The following RP1L1 variants were observed in gnomAD, a reference collection of about 807,000 sequenced individuals.
The protein encoded by RP1L1 is retinitis pigmentosa 1-like 1 protein.
Under a neutral mutation model 15.7 loss-of-function variants are expected in RP1L1, and 27 were observed. The ratio of observed to expected loss-of-function variants is 1.72; its 90% CI spans 1.27 to 2.38. The LOEUF (loss-of-function observed/expected upper bound fraction) is 2.38, where lower values mean the gene tolerates loss of function less well. Ranked by LOEUF, RP1L1 falls within the 30% of genes most tolerant of loss-of-function variation. The pLI, the probability that RP1L1 is intolerant of heterozygous loss-of-function variation, is 0.00. For synonymous variants in RP1L1, 1,813 were observed against 1,276.7 expected, an observed-to-expected ratio of 1.42 and a Z score of -8.96; for missense variants, 4,798 against 3,075.9, an observed-to-expected ratio of 1.56 and a Z score of -13.24.
intron 1 of RP1L1, among the ~76,000 whole-genome samples, chr8:10,647,097 C>G (rs897580836): frequency 6.6e-6 from 1 of 152,210 alleles, no homozygotes; most frequent in Non-Finnish European, 1.5e-5. Flanking sequence ...AGAGCTGTCC[C>G]GCCTTCAGAA....
chr8:10,616,298 G>T (rs1010851503), intron 3 of RP1L1, 148 bp downstream of exon 3: 2 of 977,346 alleles, frequency 2.0e-6, no homozygotes, highest in Non-Finnish European at 3.2e-6. Context: ...GAAGGAGGAA[G>T]AGGCAAGAGA....
chr8:10,644,313 A>C (rs1798445933), intron 1 of RP1L1, among the ~76,000 whole-genome samples: 1 of 150,882 alleles, frequency 6.6e-6, no homozygotes, highest in Non-Finnish European at 1.5e-5. Flanking sequence ...GGGAGGCTAG[A>C]CAAGGCAGTC....
At chr8:10,637,371 C>A (rs750216187) in intron 1 of RP1L1, among the ~76,000 whole-genome samples, 20 of 152,176 alleles carry the variant, frequency 1.3e-4, no homozygotes, top group Non-Finnish European at 2.5e-4. Flanking sequence ...TAATGAGGAC[C>A]TCCTGTGTGT....
chr8:10,628,574 G>C (rs1798192986), intron 1 of RP1L1, among the ~76,000 whole-genome samples: 1 of 152,222 alleles, frequency 6.6e-6, no homozygotes, highest in African/African-American at 2.4e-5. Flanking sequence ...AAACAACAGA[G>C]AGAGTGACAG....
Position 10,610,573 on chromosome 8 carries a change from G to A in RP1L1, c.3525C>T (p.Leu1175=), listed in dbSNP as rs1486939514. The A allele has an allele frequency of 1.2e-6, 2 of 1,613,672 alleles. No homozygotes were observed. Among genetic ancestry groups the A allele is most frequent in the Middle Eastern group, 1.6e-4 (1 of 6,062 alleles). The part of the protein sequence containing the change: ...EDQLDSGLWE[L]TWSQALPDLG... ...GGTCTGGCAGAGCCTGGCTCCATGT[G>A]AGCTCCCAGAGGCCTGAGTCCAGCT... The change falls in exon 4 of 4, where the codon CTC becomes CTT. Residue 1175 remains leucine (L), a synonymous_variant. Transcript: ENST00000382483.
At chr8:10,646,430 A>G (rs1355495063) in intron 1 of RP1L1, among the ~76,000 whole-genome samples, 2 of 152,286 alleles carry the variant, frequency 1.3e-5, no homozygotes, top group Non-Finnish European at 2.9e-5. Flanking sequence ...CCGTTTAGGC[A>G]TCCTAAATGC....
Position 10,623,638 on chromosome 8 carries a change from T to G in RP1L1, c.-19-418A>C, listed in dbSNP as rs566892660. Among the ~76,000 whole-genome samples, 5 of 150,246 alleles carry G rather than the reference T, an allele frequency of 3.3e-5. No homozygotes were observed. The East Asian group carries it at 8.1e-4, about 24-fold the overall frequency. ...CACTTCCATGTCCCCAGAGTCATCATGTCCCCAGCATTGCCATGTCCCCAG... is the reference window on the plus strand; with the variant it reads ...CACTTCCATGTCCCCAGAGTCATCAGGTCCCCAGCATTGCCATGTCCCCAG... On this transcript the variant is annotated intron_variant, in intron 1 of 3. Coordinates refer to ENST00000382483, the MANE Select transcript of RP1L1 (RefSeq NM_178857.6).
intron 2 of RP1L1, among the ~76,000 whole-genome samples, chr8:10,619,948 G>A (rs981821319): frequency 7.3e-6 from 1 of 136,096 alleles, no homozygotes; most frequent in Admixed American, 7.5e-5. Context: ...GTGACAGAGG[G>A]AGACTCCATC....
chr8:10,621,689 A>G (rs1798061451), intron 2 of RP1L1: 1 of 492,670 alleles, frequency 2.0e-6, no homozygotes, highest in Non-Finnish European at 4.1e-6. Context: ...ACAGGACTGA[A>G]TCTTGAGGAG....
At chr8:10,616,613 G>C (rs1201102073) in intron 2 of RP1L1, 26 bp from the exon 3 acceptor site, 1 of 1,602,008 alleles carries the variant, frequency 6.2e-7, no homozygotes, top group African/African-American at 1.3e-5. Context: ...GCGGGGTCAG[G>C]AGGCCTGGGC....
chr8:10,652,265 G>A lies in RP1L1; in HGVS notation c.-20+2633C>T, dbSNP rs1051530549. ...AAGGAAATGATTTTAGGATCAAGAA[G>A]CAGGGACTGTAATATGATACACGTC... On this transcript the variant is annotated intron_variant, in intron 1 of 3. Transcript: ENST00000382483. 8.5e-5 allele frequency among the ~76,000 whole-genome samples: 13 copies of A among 152,222 alleles called. 1 individual carries two copies. The highest frequency in any genetic ancestry group is 6.2e-4 in the South Asian group (3 of 4,832).
rs1221439899 is a variant in RP1L1, at chr8:10,611,959, T to G, written c.2139A>C (p.Thr713=). 1 of 1,613,880 alleles carries G rather than the reference T, an allele frequency of 6.2e-7. No homozygotes were observed. Among genetic ancestry groups the G allele is most frequent in the Non-Finnish European group, 8.5e-7 (1 of 1,180,014 alleles). The change falls in exon 4 of 4, where the codon ACA becomes ACC. Residue 713 remains threonine, a synonymous_variant. Transcript: ENST00000382483. ...RYSGSSSSTR[T]QASGNLRPPS... ...GAGGTCTCAGGTTCCCAGAGGCCTG[T>G]GTCCTGGTGCTCGATGAGCTTCCAG... is the stretch of plus-strand genomic sequence containing the variant.
chr8:10,609,691 A>G lies in RP1L1; in HGVS notation c.4407T>C (p.Ser1469=). ...ETDPSASERQ[S]GSQLEPGLEK... is the part of the protein sequence containing the mutation. ...CCAAACCAGGCTCAAGCTGGGAGCC[A>G]CTCTGCCTCTCGCTGGCACTTGGGT... is the stretch of plus-strand genomic sequence containing the variant. The change falls in exon 4 of 4, where the codon AGT becomes AGC. Residue 1469 remains serine, a synonymous_variant. Transcript: ENST00000382483. The G allele has an allele frequency of 6.2e-7, 1 of 1,612,892 alleles. No individual in the cohort carries two copies. The highest frequency in any genetic ancestry group is 2.2e-5 in the East Asian group (1 of 44,848).
In RP1L1 at chr8:10,607,351, T is replaced by C. The variant is rs1468285242; in HGVS notation, c.6747A>G (p.Lys2249=). 1.2e-6 allele frequency: 2 copies of C among 1,614,002 alleles called. No individual in the cohort carries two copies. The highest frequency in any genetic ancestry group is 2.2e-5 in the East Asian group (1 of 44,880). ...PESEGETQGE[K]KGSPQVSLGD... is the part of the protein sequence containing the mutation. Reference sequence around the variant, plus strand: ...CTAGACTGACCTGAGGGCTCCCCTTTTTCTCACCTTGAGTTTCTCCTTCTG... The same window carrying C: ...CTAGACTGACCTGAGGGCTCCCCTTCTTCTCACCTTGAGTTTCTCCTTCTG... Residue 2249 remains lysine (K), a synonymous_variant, in exon 4 of 4, where the codon AAA becomes AAG. Coordinates refer to ENST00000382483, the MANE Select transcript of RP1L1 (RefSeq NM_178857.6).
At chr8:10,627,414 A>G (rs189129223) in intron 1 of RP1L1, among the ~76,000 whole-genome samples, 10 of 152,308 alleles carry the variant, frequency 6.6e-5, no homozygotes, top group Admixed American at 5.2e-4. Flanking sequence ...TTCCACTTGT[A>G]TGAGGTCCCT....
intron 1 of RP1L1, among the ~76,000 whole-genome samples, chr8:10,654,089 G>A (rs546968791): frequency 1.3e-5 from 2 of 152,170 alleles, no homozygotes; most frequent in Admixed American, 6.5e-5. Flanking sequence ...GCTGGACCTC[G>A]TCTGAGGTCT....
chr8:10,638,752 C>T (rs1002785594), intron 1 of RP1L1, among the ~76,000 whole-genome samples: 12 of 152,088 alleles, frequency 7.9e-5, no homozygotes, highest in Non-Finnish European at 1.0e-4. Flanking sequence ...GCTCTCCAGA[C>T]GGAGGGACAC....
chr8:10,611,779 C>A lies in RP1L1; in HGVS notation c.2319G>T (p.Pro773=). The A allele has an allele frequency of 6.2e-7, 1 of 1,613,614 alleles. No homozygotes were observed. The highest frequency in any genetic ancestry group is 8.5e-7 in the Non-Finnish European group (1 of 1,180,000). ...CGGATGTGTGGGGAGGTATGGGGGC[C>A]GGCGAGCATGTCCTGGACCCCGCGT... ...AGDAGSRTCS[P]APIPPHTSDS... is the part of the protein sequence containing the mutation. The change falls in exon 4 of 4, where the codon CCG becomes CCT. Residue 773 remains proline, a synonymous_variant. Transcript: ENST00000382483.
chr8:10,612,942 G>T lies in RP1L1; in HGVS notation c.1156C>A (p.Pro386Thr). The change falls in exon 4 of 4, where the codon CCC becomes ACC. Residue 386 changes from proline to threonine, a missense_variant. Coordinates refer to ENST00000382483, the MANE Select transcript of RP1L1 (RefSeq NM_178857.6). ...ACTTCCCTGCATCCCACCCTGCAGG[G>T]CCGGGGTCCCCACACCCCAGGCTCT... ...FSEPGVWGPRPCRVGCREVFG... is the reference protein window; with the variant it reads ...FSEPGVWGPRTCRVGCREVFG... 1 of 1,613,066 alleles carries T rather than the reference G, an allele frequency of 6.2e-7. No individual in the cohort carries two copies. Among genetic ancestry groups the T allele is most frequent in the Non-Finnish European group, 8.5e-7 (1 of 1,179,936 alleles).
Sources: allele counts gnomAD v4.1 joint callset (sites outside exome capture counted in the v4.1 genomes callset), GRCh38; gene constraint gnomAD v4.1.1; transcripts MANE v1.5; gene names NCBI Gene and HGNC (gene_info 2026-07-23, HGNC 2026-07-21).